The following ACSM3 variants were observed in gnomAD, a reference collection of about 807,000 sequenced individuals.
ACSM3 encodes acyl-coenzyme A synthetase ACSM3, mitochondrial.
In ACSM3, 61 loss-of-function variants were observed where a neutral mutation model predicts 74.1. That is an observed-to-expected ratio of 0.82 (90% CI 0.67 to 1.02). The LOEUF is 1.02. ACSM3 is among the 50% of genes least tolerant of loss of function. The probability of loss-of-function intolerance (pLI) is 0.00; values close to 1 mark genes in which losing one functional copy is unlikely to be tolerated. For missense variants in ACSM3, 660 were observed against 697.0 expected (o/e 0.95, Z 0.60); for synonymous variants, 213 against 241.5 (o/e 0.88, Z 1.09).
chr16:20,785,094 G>A lies in ACSM3; in HGVS notation c.1130G>A (p.Gly377Glu). Reference sequence around the variant, plus strand: ...GGCCTGGATATCTACGAAGGATATGGACAGACTGAAACGGTACCTGACCTC... The same window carrying A: ...GGCCTGGATATCTACGAAGGATATGAACAGACTGAAACGGTACCTGACCTC... The part of the protein sequence containing the change: ...KTGLDIYEGY[G>E]QTETVLICGN... The change falls in exon 8 of 14, where the codon GGA becomes GAA. Residue 377 changes from glycine to glutamate, a missense_variant. Gly to Glu is a moderately conservative substitution (Grantham distance 98). Coordinates refer to ENST00000289416, the MANE Select transcript of ACSM3 (RefSeq NM_005622.4). 1 of 1,613,316 alleles carries A rather than the reference G, an allele frequency of 6.2e-7. No individual in the cohort carries two copies. The highest frequency in any genetic ancestry group is 8.5e-7 in the Non-Finnish European group (1 of 1,179,508).
chr16:20,776,649 A>T (rs1174135082), intron 3 of ACSM3, among the ~76,000 whole-genome samples: 1 of 152,184 alleles, frequency 6.6e-6, no homozygotes, highest in Non-Finnish European at 1.5e-5. Context: ...TCCCCTAATT[A>T]TCCTATAAAA....
intron 1 of ACSM3, chr16:20,731,718 C>T (rs1199922467): frequency 2.8e-5 from 11 of 393,516 alleles, no homozygotes; most frequent in Middle Eastern, 3.8e-4. Flanking sequence ...AAATCAACTG[C>T]ACCTTACAAA....
chr16:20,736,758 T>C, intron 1 of ACSM3: 1 of 978,550 alleles, frequency 1.0e-6, no homozygotes, highest in South Asian at 1.7e-5. Flanking sequence ...CTCACTACTG[T>C]GAGAACAGCA....
chr16:20,757,579 A>T (rs1383873131), intron 3 of ACSM3, among the ~76,000 whole-genome samples: 1 of 150,068 alleles, frequency 6.7e-6, no homozygotes, highest in African/African-American at 2.4e-5. Flanking sequence ...TGTCGTCTGC[A>T]AACAGGGACA....
At chr16:20,701,385 T>A (rs2079712357) in intron 1 of ACSM3, among the ~76,000 whole-genome samples, 1 of 152,152 alleles carries the variant, frequency 6.6e-6, no homozygotes, top group African/African-American at 2.4e-5. Flanking sequence ...TGCATGGACT[T>A]GTATACTGTG....
At position 20,735,129 on chromosome 16, in the gene ACSM3, C is replaced by T. The variant is rs534740542; in HGVS notation, c.-189-14781C>T. On this transcript the variant is annotated intron_variant, in intron 1 of 3. Transcript: ENST00000561584. Reference sequence around the variant, plus strand: ...TGTCGCTTTAAGAAAAATTTTTTTCCCCAGAACCTTTCAGAGACTTGTCCA... The same window carrying T: ...TGTCGCTTTAAGAAAAATTTTTTTCTCCAGAACCTTTCAGAGACTTGTCCA... 23 of 152,170 alleles carry T rather than the reference C, an allele frequency of 1.5e-4. No individual in the cohort carries two copies. The South Asian group carries it at 4.6e-3, about 30-fold the overall frequency. 9.4% of individuals were successfully genotyped at this position (152,170 alleles called of 1,614,324 possible).
intron 2 of ACSM3, among the ~76,000 whole-genome samples, chr16:20,750,827 A>G (rs948479546): frequency 7.2e-6 from 1 of 139,336 alleles, no homozygotes; most frequent in African/African-American, 2.6e-5. Flanking sequence ...TAGAGAGAAT[A>G]TAAGTTTTGG....
intron 2 of ACSM3, among the ~76,000 whole-genome samples, chr16:20,771,026 T>G (rs1035143574): frequency 1.3e-5 from 2 of 152,186 alleles, no homozygotes; most frequent in East Asian, 3.8e-4. Context: ...AACCAACCTC[T>G]TTCTATGCTC....
intron 1 of ACSM3, chr16:20,737,035 C>G (rs763577890): frequency 6.2e-7 from 1 of 1,614,106 alleles, no homozygotes. Flanking sequence ...TTATTTTTTC[C>G]TTCTGCTGTG....
intron 1 of ACSM3, chr16:20,737,073 TC>T: frequency 6.2e-7 from 1 of 1,614,204 alleles, no homozygotes; most frequent in Non-Finnish European, 8.5e-7. Context: ...GTCCGCAGAT[TC>T]CAGTTTAGCT....
intron 1 of ACSM3, among the ~76,000 whole-genome samples, chr16:20,695,601 CTATT>C (rs1013685939): frequency 1.3e-5 from 2 of 152,056 alleles, no homozygotes; most frequent in African/African-American, 2.4e-5. Flanking sequence ...TATCTATCAT[CTATT>C]TATCTATCTA....
At chr16:20,770,881 T>C (rs559299553) in intron 2 of ACSM3, among the ~76,000 whole-genome samples, 101 of 152,326 alleles carry the variant, frequency 6.6e-4, no homozygotes, top group African/African-American at 2.4e-3. Context: ...CATTTCTTTG[T>C]GCTGGGAGCA....
chr16:20,708,734 AATG>A (rs2079734704), intron 1 of ACSM3, among the ~76,000 whole-genome samples: 1 of 152,204 alleles, frequency 6.6e-6, no homozygotes, highest in African/African-American at 2.4e-5. Flanking sequence ...TCAAAATTCC[AATG>A]ATATTTTTAA....
intron 3 of ACSM3, chr16:20,755,654 C>CT (rs1431140796): frequency 2.4e-5 from 2 of 82,696 alleles, no homozygotes; most frequent in Admixed American, 1.2e-4. Context: ...TATTATTATA[C>CT]TTTAAGTTTT....
intron 1 of ACSM3, chr16:20,680,960 T>C (rs1198483194): frequency 6.6e-6 from 1 of 152,168 alleles, no homozygotes; most frequent in African/African-American, 2.4e-5. Flanking sequence ...ATCCAGTTGA[T>C]GATGAAAATA....
chr16:20,795,014 G>A (rs1261915355), intron 12 of ACSM3, among the ~76,000 whole-genome samples: 2 of 152,138 alleles, frequency 1.3e-5, no homozygotes, highest in Non-Finnish European at 1.5e-5. Flanking sequence ...CTTACAACAA[G>A]CATAATTTTT....
intron 1 of ACSM3, among the ~76,000 whole-genome samples, chr16:20,732,034 T>C (rs1180983146): frequency 6.6e-6 from 1 of 152,210 alleles, no homozygotes; most frequent in Non-Finnish European, 1.5e-5. Context: ...GCCTTGTTTT[T>C]AGGGACAGCA....
chr16:20,724,291 C>G (rs1285212042), intron 1 of ACSM3, among the ~76,000 whole-genome samples: 2 of 152,202 alleles, frequency 1.3e-5, no homozygotes, highest in African/African-American at 2.4e-5. Context: ...ACATGATTAT[C>G]TCAATAGATG....
chr16:20,686,762 C>A, intron 1 of ACSM3, among the ~76,000 whole-genome samples: 1 of 151,778 alleles, frequency 6.6e-6, no homozygotes, highest in African/African-American at 2.4e-5. Flanking sequence ...AGTGATTGTG[C>A]CACTGCATTC....
Sources: gnomAD v4.1 joint callset for allele counts (sites outside exome capture counted in the v4.1 genomes callset) on GRCh38, gnomAD v4.1.1 for gene constraint, MANE v1.5 for transcripts, NCBI Gene and HGNC (gene_info 2026-07-23, HGNC 2026-07-21) for gene names.